WDR17: variants seen among roughly 807,000 people sequenced by gnomAD.
WDR17 encodes WD repeat domain 17.
Under a neutral mutation model 161.7 loss-of-function variants are expected in WDR17, and 143 were observed. The observed-to-expected ratio is 0.88, with a 90% confidence interval of 0.77 to 1.02. The LOEUF (loss-of-function observed/expected upper bound fraction) is 1.02, where lower values mean the gene tolerates loss of function less well. Among genes scored for constraint, WDR17 ranks in the 50% least tolerant of loss-of-function variants. The probability of loss-of-function intolerance (pLI) is 0.00; values close to 1 mark genes in which losing one functional copy is unlikely to be tolerated. For synonymous variants in WDR17, 517 were observed against 515.6 expected, an observed-to-expected ratio of 1.00 and a Z score of -0.04; for missense variants, 1,469 against 1,520.9, an observed-to-expected ratio of 0.97 and a Z score of 0.57.
intron 1 of WDR17, chr4:176,096,645 A>G: frequency 1.5e-6 from 2 of 1,329,546 alleles, no homozygotes; most frequent in Non-Finnish European, 2.1e-6. Flanking sequence ...TTTGCTTCTC[A>G]TATAGTTTTA....
chr4:176,118,496 G>T (rs1741005868), intron 3 of WDR17, among the ~76,000 whole-genome samples: 1 of 152,062 alleles, frequency 6.6e-6, no homozygotes, highest in African/African-American at 2.4e-5. Flanking sequence ...TTATGGGTCA[G>T]GCCCTGAAGT....
chr4:176,116,568 ATAAT>A (rs1325164889), intron 3 of WDR17, among the ~76,000 whole-genome samples: 2 of 151,896 alleles, frequency 1.3e-5, no homozygotes, highest in Non-Finnish European at 3.0e-5. Flanking sequence ...CAGTGTCACA[ATAAT>A]TAACTCTCTT....
chr4:176,114,655 T>TA (rs760032355), intron 2 of WDR17, among the ~76,000 whole-genome samples: 49 of 151,752 alleles, frequency 3.2e-4, no homozygotes, highest in Non-Finnish European at 1.6e-4. Context: ...ATAAGATAAA[T>TA]AAGTAAACAA....
chr4:176,088,806 G>A (rs1449449729), intron 1 of WDR17, among the ~76,000 whole-genome samples: 1 of 152,052 alleles, frequency 6.6e-6, no homozygotes, highest in Non-Finnish European at 1.5e-5. Context: ...CCATGATGGG[G>A]ATTATTTATT....
At position 176,099,027 on chromosome 4, in the gene WDR17, A is replaced by G. The variant is rs937137610; in HGVS notation, c.-6-12548A>G. ...AAACTAAAAAATAATAAATCAAGAT[A>G]TACTCTGAGTTAAAGTCAAAATGTA... is the stretch of plus-strand genomic sequence containing the variant. On this transcript the variant is annotated intron_variant, in intron 1 of 28. Coordinates refer to ENST00000508596, the MANE Select transcript of WDR17 (RefSeq NM_181265.4). 3.3e-5 allele frequency among the ~76,000 whole-genome samples: 5 copies of G among 152,252 alleles called. No individual in the cohort carries two copies. In the East Asian group the frequency reaches 9.6e-4, roughly 29 times the overall value.
At chr4:176,152,124 A>G (rs1274892306) in intron 17 of WDR17, among the ~76,000 whole-genome samples, 157 bp downstream of exon 17, 3 of 151,886 alleles carry the variant, frequency 2.0e-5, no homozygotes, top group Non-Finnish European at 2.9e-5. Context: ...AGCCTGAGCA[A>G]CACGGTAAAA....
At chr4:176,144,380 C>G (rs1745828905) in intron 11 of WDR17, among the ~76,000 whole-genome samples, 1 of 152,142 alleles carries the variant, frequency 6.6e-6, no homozygotes, top group South Asian at 2.1e-4. Context: ...CTGTGTTAAA[C>G]AGCATATTCT....
chr4:176,082,830 C>G (rs1191019715), intron 1 of WDR17, among the ~76,000 whole-genome samples: 1 of 151,154 alleles, frequency 6.6e-6, no homozygotes, highest in Non-Finnish European at 1.5e-5. Flanking sequence ...TACTTTAAGT[C>G]TTAGGAAATA....
intron 3 of WDR17, among the ~76,000 whole-genome samples, chr4:176,119,037 A>G (rs1161460164): frequency 1.3e-5 from 2 of 152,122 alleles, no homozygotes; most frequent in Non-Finnish European, 2.9e-5. Flanking sequence ...GATATGTTAT[A>G]TTCCATTTCA....
chr4:176,161,005 G>A lies in WDR17; in HGVS notation c.2750+3G>A. 8.1e-6 allele frequency: 13 copies of A among 1,603,606 alleles called. No individual in the cohort carries two copies. The highest frequency in any genetic ancestry group is 1.1e-5 in the Non-Finnish European group (13 of 1,175,416). ...ATCTACAAGGAAGACTTTAATGAGT[G>A]AGTGATTTATTTGCTCTGGGTCCAT... On this transcript the variant is annotated splice_donor_region_variant and intron_variant, in intron 20 of 28. Transcript: ENST00000508596.
At chr4:176,149,565 T>C (rs1024113929) in intron 13 of WDR17, among the ~76,000 whole-genome samples, 12 of 152,060 alleles carry the variant, frequency 7.9e-5, no homozygotes, top group African/African-American at 2.9e-4. Context: ...GAGCCACCAT[T>C]TCCAGCCTCT....
At chr4:176,099,528 G>C (rs898963631) in intron 1 of WDR17, among the ~76,000 whole-genome samples, 4 of 152,056 alleles carry the variant, frequency 2.6e-5, no homozygotes, top group Non-Finnish European at 5.9e-5. Flanking sequence ...TCCAGCAGGG[G>C]GAGGGGAAAA....
intron 18 of WDR17, among the ~76,000 whole-genome samples, chr4:176,159,275 GCACACA>G (rs367571276): frequency 3.2e-5 from 3 of 94,434 alleles, no homozygotes; most frequent in African/African-American, 5.0e-5. Context: ...ACACACACAT[GCACACA>G]CACACACACA....
At chr4:176,103,867 G>T (rs1056821237) in intron 1 of WDR17, among the ~76,000 whole-genome samples, 1 of 151,918 alleles carries the variant, frequency 6.6e-6, no homozygotes, top group African/African-American at 2.4e-5. Context: ...AGGAATAATG[G>T]CAGAAAACTC....
At position 176,181,293 on chromosome 4, in the gene WDR17, C is replaced by G. The variant is rs1027396029; in HGVS notation, c.*1714C>G. 1.1e-4 allele frequency: 17 copies of G among 153,594 alleles called. No homozygotes were observed. The highest frequency in any genetic ancestry group is 3.1e-4 in the African/African-American group (13 of 41,344). The allele number at this position is 153,594 out of a possible 1,614,324, so 9.5% of individuals were successfully genotyped here. ...ACCATCCTGGCCAACATGGTGAAAC[C>G]CTGTCTCTACTAAAAATACAAAAAT... On this transcript the variant is annotated 3_prime_UTR_variant, in exon 29 of 29. Coordinates refer to ENST00000508596, the MANE Select transcript of WDR17 (RefSeq NM_181265.4).
At chr4:176,077,031 C>T (rs879120780) in intron 1 of WDR17, among the ~76,000 whole-genome samples, 2 of 151,970 alleles carry the variant, frequency 1.3e-5, no homozygotes, top group Admixed American at 1.3e-4. Flanking sequence ...TCTGCATTGA[C>T]TCAATCAATG....
At chr4:176,121,804 A>G (rs570192225) in intron 4 of WDR17, among the ~76,000 whole-genome samples, 55 of 152,302 alleles carry the variant, frequency 3.6e-4, no homozygotes, top group African/African-American at 1.2e-3. Flanking sequence ...AAAAAAGACT[A>G]CCTTTGTTTT....
chr4:176,143,093 G>A (rs1745551995), intron 11 of WDR17, among the ~76,000 whole-genome samples: 1 of 152,132 alleles, frequency 6.6e-6, no homozygotes, highest in Admixed American at 6.5e-5. Flanking sequence ...TGGTCAGGCT[G>A]GTCTCGAATT....
chr4:176,119,820 A>G (rs759207209), intron 3 of WDR17, 47 bp from the exon 4 acceptor site: 3 of 1,517,902 alleles, frequency 2.0e-6, no homozygotes, highest in South Asian at 2.3e-5. Context: ...TAATGGTGTA[A>G]TCTTATGCTG....
Sources: allele counts gnomAD v4.1 joint callset (sites outside exome capture counted in the v4.1 genomes callset), GRCh38; gene constraint gnomAD v4.1.1; transcripts MANE v1.5; gene names NCBI Gene and HGNC (gene_info 2026-07-23, HGNC 2026-07-21).